The following AGBL1 variants were observed in gnomAD, a reference collection of about 807,000 sequenced individuals.
The protein encoded by AGBL1 is cytosolic carboxypeptidase 4.
AGBL1 carries 130 observed loss-of-function variants against 118.9 expected under a neutral mutation model. The ratio of observed to expected loss-of-function variants is 1.09; its 90% confidence interval spans 0.95 to 1.26. The LOEUF is 1.26. Ranked by LOEUF, AGBL1 falls within the 50% of genes most tolerant of loss-of-function variation. The pLI is 0.00. For missense variants in AGBL1, 1,584 were observed against 1,298.1 expected (o/e 1.22, Z -3.38); for synonymous variants, 555 against 478.9 (o/e 1.16, Z -2.08).
intron 11 of AGBL1, among the ~76,000 whole-genome samples, chr15:86,265,624 T>G (rs967285382): frequency 6.6e-6 from 1 of 152,166 alleles, no homozygotes; most frequent in African/African-American, 2.4e-5. Flanking sequence ...CCACTTGGGG[T>G]CCTGGCTGAC....
chr15:86,713,952 T>G (rs2086600056), intron 22 of AGBL1, among the ~76,000 whole-genome samples: 1 of 152,198 alleles, frequency 6.6e-6, no homozygotes, highest in African/African-American at 2.4e-5. Context: ...ATGATGGGTG[T>G]CTACGTGTGT....
chr15:86,755,222 C>G (rs1232418405), intron 22 of AGBL1, among the ~76,000 whole-genome samples: 1 of 152,042 alleles, frequency 6.6e-6, no homozygotes, highest in Non-Finnish European at 1.5e-5. Flanking sequence ...GGTGGATGAC[C>G]TAATGTTTTT....
At chr15:86,712,775 G>T (rs2086581039) in intron 22 of AGBL1, among the ~76,000 whole-genome samples, 1 of 152,154 alleles carries the variant, frequency 6.6e-6, no homozygotes, top group African/African-American at 2.4e-5. Flanking sequence ...TAACAAAAAA[G>T]ATGAGGAGTC....
intron 21 of AGBL1, among the ~76,000 whole-genome samples, chr15:86,645,944 G>C (rs2085271447): frequency 6.6e-6 from 1 of 152,124 alleles, no homozygotes; most frequent in African/African-American, 2.4e-5. Flanking sequence ...TGCTTTTCAG[G>C]TTTAAGCTTG....
chr15:86,366,380 T>C lies in AGBL1; in HGVS notation c.2375-30986T>C, dbSNP rs191353685. Among the ~76,000 whole-genome samples the C allele has an allele frequency of 3.2e-3, 491 of 152,336 alleles. 1 individual carries two copies. Among genetic ancestry groups the C allele is most frequent in the African/African-American group, 0.011 (465 of 41,572 alleles). ...TCAGAGATCTCTACATATTAATTCA[T>C]TTAATGGTCATCATATCCTATATGA... On this transcript the variant is annotated intron_variant, in intron 17 of 22. Coordinates refer to ENST00000614907, the MANE Select transcript of AGBL1 (RefSeq NM_001386094.1).
At chr15:86,300,474 T>C (rs1039857659) in intron 17 of AGBL1, among the ~76,000 whole-genome samples, 1 of 152,162 alleles carries the variant, frequency 6.6e-6, no homozygotes, top group Non-Finnish European at 1.5e-5. Context: ...AAAATGTCAT[T>C]CTCCTATTAG....
In AGBL1 at chr15:86,351,280, C is replaced by A. The variant is rs2080622244; in HGVS notation, c.2375-46086C>A. Among the ~76,000 whole-genome samples the A allele has an allele frequency of 2.0e-5, 3 of 152,302 alleles. No individual in the cohort carries two copies. In the South Asian group the frequency reaches 6.2e-4, roughly 32 times the overall value. ...AATTTGTCCTTTTATAACAAACCCA[C>A]TCCTATGATAACAGCATTAATCCAT... On this transcript the variant is annotated intron_variant, in intron 17 of 22. Transcript: ENST00000614907.
chr15:86,310,674 G>A (rs1048359210), intron 17 of AGBL1, among the ~76,000 whole-genome samples: 1 of 152,088 alleles, frequency 6.6e-6, no homozygotes, highest in Non-Finnish European at 1.5e-5. Context: ...GGCAGGGTTG[G>A]ACCATGGGTC....
In AGBL1 at chr15:86,554,423, C is replaced by T. The variant is rs559420071; in HGVS notation, c.2880C>T (p.Leu960=). ...TCACAATGAGCAGCTGCAGCTTTCT[C>T]GTGGAGAAATCTCGAGCTTCCACGG... is the stretch of plus-strand genomic sequence containing the variant. ...PAFTMSSCSF[L]VEKSRASTAR... is the part of the protein sequence containing the mutation. The change falls in exon 21 of 23, where the codon CTC becomes CTT. Residue 960 remains leucine, a synonymous_variant. Transcript: ENST00000614907. The T allele has an allele frequency of 1.2e-5, 19 of 1,587,778 alleles. No individual in the cohort carries two copies. The highest frequency in any genetic ancestry group is 5.4e-5 in the Admixed American group (3 of 55,792).
intron 18 of AGBL1, among the ~76,000 whole-genome samples, chr15:86,419,111 T>C (rs1443562847): frequency 6.6e-6 from 1 of 151,978 alleles, no homozygotes; most frequent in African/African-American, 2.4e-5. Flanking sequence ...CTTGGCACTT[T>C]TGTCCACATG....
chr15:87,006,635 C>A (rs1171005302), intron 24 of AGBL1, among the ~76,000 whole-genome samples: 1 of 152,196 alleles, frequency 6.6e-6, no homozygotes, highest in Non-Finnish European at 1.5e-5. Context: ...ACCCCTTGCA[C>A]TTCCCGGGTG....
intron 17 of AGBL1, among the ~76,000 whole-genome samples, chr15:86,325,817 G>A (rs2080175469): frequency 6.6e-6 from 1 of 152,188 alleles, no homozygotes; most frequent in Non-Finnish European, 1.5e-5. Context: ...GAGTGGTACA[G>A]TCTGTGCACG....
chr15:86,738,674 G>A (rs2077635903), intron 22 of AGBL1, among the ~76,000 whole-genome samples: 1 of 152,130 alleles, frequency 6.6e-6, no homozygotes, highest in South Asian at 2.1e-4. Context: ...GACATGAAAT[G>A]GGGTTCTGAA....
chr15:86,988,205 A>T (rs1269151626), intron 24 of AGBL1: 4 of 1,272,300 alleles, frequency 3.1e-6, no homozygotes, highest in Non-Finnish European at 2.2e-6. Flanking sequence ...TGGGCCAACA[A>T]CAAAAAAACA....
At chr15:86,904,563 TA>T (rs1328879348) in intron 22 of AGBL1, among the ~76,000 whole-genome samples, 1 of 143,932 alleles carries the variant, frequency 6.9e-6, no homozygotes, top group Non-Finnish European at 1.6e-5. Context: ...TTATGTTACA[TA>T]ATGTATTATC....
At chr15:86,397,816 C>A (rs116381685) in intron 18 of AGBL1, among the ~76,000 whole-genome samples, 1 of 152,202 alleles carries the variant, frequency 6.6e-6, no homozygotes, top group African/African-American at 2.4e-5. Context: ...TGAGACCCCA[C>A]CTCTACAAAA....
chr15:87,027,105 A>AATTT (rs2081736335), intron 24 of AGBL1, among the ~76,000 whole-genome samples: 1 of 152,016 alleles, frequency 6.6e-6, no homozygotes, highest in African/African-American at 2.4e-5. Flanking sequence ...CATGTCACCA[A>AATTT]ACACCACCTG....
At chr15:86,838,024 T>C (rs1192290902) in intron 22 of AGBL1, among the ~76,000 whole-genome samples, 1 of 152,296 alleles carries the variant, frequency 6.6e-6, no homozygotes, top group East Asian at 1.9e-4. Context: ...TTTTAATCAG[T>C]TCATTATTTC....
intron 21 of AGBL1, among the ~76,000 whole-genome samples, chr15:86,629,751 C>G (rs918171641): frequency 6.6e-6 from 1 of 150,902 alleles, no homozygotes; most frequent in African/African-American, 2.4e-5. Context: ...GGAAAAAAAA[C>G]CCTCTCAGAA....
Sources: allele counts gnomAD v4.1 joint callset (sites outside exome capture counted in the v4.1 genomes callset), GRCh38; gene constraint gnomAD v4.1.1; transcripts MANE v1.5; gene names NCBI Gene and HGNC (gene_info 2026-07-23, HGNC 2026-07-21).